The following SLC13A4 variants were observed in gnomAD, a reference collection of about 807,000 sequenced individuals.
SLC13A4 encodes Na(+)/sulfate cotransporter SUT-1.
Under a neutral mutation model 72.7 loss-of-function variants are expected in SLC13A4, and 28 were observed. The ratio of observed to expected loss-of-function variants is 0.39; its 90% CI spans 0.29 to 0.53. SLC13A4 has a LOEUF of 0.53. Ranked by LOEUF, SLC13A4 falls within the 20% of genes least tolerant of loss-of-function variation. The pLI, the probability that SLC13A4 is intolerant of heterozygous loss-of-function variation, is 0.78. For synonymous variants in SLC13A4, 312 were observed against 325.5 expected, an observed-to-expected ratio of 0.96 and a Z score of 0.45; for missense variants, 653 against 788.0, an observed-to-expected ratio of 0.83 and a Z score of 2.05.
chr7:135,720,820 T>A (rs148947294), intron 2 of SLC13A4, among the ~76,000 whole-genome samples: 3 of 152,284 alleles, frequency 2.0e-5, no homozygotes, highest in African/African-American at 7.2e-5. Context: ...AGACAGTGAA[T>A]GGAGAGGGCT....
intron 2 of SLC13A4, among the ~76,000 whole-genome samples, chr7:135,715,535 G>GTA (rs1796415933): frequency 1.3e-5 from 1 of 74,866 alleles, no homozygotes; most frequent in Non-Finnish European, 2.5e-5. Flanking sequence ...GTGTGTGCCA[G>GTA]TGTGTGTGCT....
chr7:135,685,973 G>T (rs1795613359), intron 13 of SLC13A4, among the ~76,000 whole-genome samples: 1 of 152,236 alleles, frequency 6.6e-6, no homozygotes, highest in East Asian at 1.9e-4. Flanking sequence ...ATGACAACTT[G>T]TCAGAGGTTG....
intron 8 of SLC13A4, among the ~76,000 whole-genome samples, chr7:135,698,967 G>T (rs758304067): frequency 1.6e-4 from 24 of 152,012 alleles, no homozygotes; most frequent in Non-Finnish European, 3.1e-4. Context: ...TAGAGACACT[G>T]TCTTGCTCTA....
At chr7:135,707,901 T>A (rs1796204638) in intron 3 of SLC13A4, 2 of 519,046 alleles carry the variant, frequency 3.9e-6, no homozygotes, top group South Asian at 7.2e-5. Context: ...GGTAAATTCT[T>A]TGGATAATGA....
intron 2 of SLC13A4, among the ~76,000 whole-genome samples, chr7:135,720,838 G>C (rs1398543922): frequency 6.6e-6 from 1 of 152,234 alleles, no homozygotes; most frequent in Non-Finnish European, 1.5e-5. Context: ...GCTCACTCTA[G>C]GGAGGGCGCA....
intron 10 of SLC13A4, chr7:135,693,354 G>A (rs923952040): frequency 6.6e-6 from 1 of 152,008 alleles, no homozygotes; most frequent in African/African-American, 2.4e-5. Context: ...AGAAAGGCAA[G>A]GTATACAACA....
chr7:135,694,713 T>C (rs1795863731), intron 9 of SLC13A4, among the ~76,000 whole-genome samples: 1 of 152,170 alleles, frequency 6.6e-6, no homozygotes, highest in African/African-American at 2.4e-5. Flanking sequence ...GAACACACAG[T>C]GTTAGTTTTA....
intron 2 of SLC13A4, 133 bp from the exon 3 acceptor site, chr7:135,708,383 G>T (rs1796218885): frequency 2.4e-6 from 3 of 1,254,018 alleles, no homozygotes; most frequent in African/African-American, 1.5e-5. Flanking sequence ...AGGCAGGGGG[G>T]TGAGGATTAT....
intron 13 of SLC13A4, among the ~76,000 whole-genome samples, chr7:135,688,490 C>T (rs1402070438): frequency 1.3e-5 from 2 of 152,212 alleles, no homozygotes; most frequent in African/African-American, 2.4e-5. Flanking sequence ...CTCCTGGCCT[C>T]AAGTGATCCT....
intron 11 of SLC13A4, chr7:135,691,847 G>T: frequency 3.8e-6 from 2 of 533,058 alleles, no homozygotes; most frequent in Non-Finnish European, 6.7e-6. Context: ...GGCAGGGCCT[G>T]GCTAGAGTAG....
chr7:135,721,506 G>A lies in SLC13A4; in HGVS notation c.117C>T (p.Tyr39=), dbSNP rs367732091. ...AGTACACAGCAGTCACGATCAGCAC[G>A]TAAGCACACGAGGCCTCCTGCAAGG... is the stretch of plus-strand genomic sequence containing the variant. ...LHPSSEASCA[Y]VLIVTAVYWV... is the part of the protein sequence containing the mutation. The change falls in exon 2 of 16, where the codon TAC becomes TAT. Residue 39 remains tyrosine, a synonymous_variant. Transcript: ENST00000682651. 7.4e-6 allele frequency: 12 copies of A among 1,613,912 alleles called. No homozygotes were observed. In the African/African-American group the frequency reaches 1.2e-4, roughly 16 times the overall value.
At chr7:135,712,461 T>TTAA (rs1554478788) in intron 2 of SLC13A4, among the ~76,000 whole-genome samples, 8 of 122,960 alleles carry the variant, frequency 6.5e-5, no homozygotes, top group Admixed American at 2.5e-4. Flanking sequence ...TTTTCTCATC[T>TTAA]AAAAAAAAAA....
At chr7:135,686,468 T>C (rs752875304) in intron 13 of SLC13A4, among the ~76,000 whole-genome samples, 1 of 152,104 alleles carries the variant, frequency 6.6e-6, no homozygotes, top group Non-Finnish European at 1.5e-5. Context: ...CTCAACCTCC[T>C]GGGTTCAAGC....
Position 135,682,864 on chromosome 7 carries a change from G to A in SLC13A4, c.1747-1164C>T, listed in dbSNP as rs562609357. ...GGTGGGGGCACACAGCAGAGGAAGC[G>A]GGAGACAGGAGAGCTGGGGTAGAGC... On this transcript the variant is annotated intron_variant, in intron 15 of 15. Transcript: ENST00000682651. Among the ~76,000 whole-genome samples, 11 of 152,300 alleles carry A rather than the reference G, an allele frequency of 7.2e-5. No homozygotes were observed. In the East Asian group the frequency reaches 9.6e-4, roughly 13 times the overall value.
chr7:135,707,814 T>G, intron 3 of SLC13A4: 1 of 252,648 alleles, frequency 4.0e-6, no homozygotes, highest in Non-Finnish European at 7.5e-6. Context: ...TGGGAAACAA[T>G]TTCTCTTGGT....
In SLC13A4 at chr7:135,691,542, T is replaced by A. The variant is rs773539712; in HGVS notation, c.1321+6A>T. 1 of 1,607,188 alleles carries A rather than the reference T, an allele frequency of 6.2e-7. No individual in the cohort carries two copies. The highest frequency in any genetic ancestry group is 1.3e-5 in the African/African-American group (1 of 74,718). On this transcript the variant is annotated splice_donor_region_variant and intron_variant, in intron 12 of 15. Transcript: ENST00000682651. The stretch of plus-strand genomic sequence containing the variant: ...GAGCTACCCCCAGTTTCTTCCCTTC[T>A]CTCACCATCATTCTTTTTCCCAAAG...
chr7:135,691,824 G>A (rs1260856723), intron 11 of SLC13A4, 179 bp from the exon 12 acceptor site: 6 of 558,006 alleles, frequency 1.1e-5, no homozygotes, highest in Non-Finnish European at 1.9e-5. Flanking sequence ...ATGGGCAATG[G>A]CGAATGTCTG....
At chr7:135,690,040 G>A (rs975278348) in intron 13 of SLC13A4, among the ~76,000 whole-genome samples, 12 of 151,870 alleles carry the variant, frequency 7.9e-5, no homozygotes, top group African/African-American at 2.9e-4. Flanking sequence ...ATTAAGCTGG[G>A]TGTGGTGGCG....
chr7:135,710,505 G>T (rs936185982), intron 2 of SLC13A4, among the ~76,000 whole-genome samples: 1 of 152,098 alleles, frequency 6.6e-6, no homozygotes, highest in African/African-American at 2.4e-5. Flanking sequence ...AATATCATAT[G>T]GGAATGGAGC....
Sources: gnomAD v4.1 joint callset for allele counts (sites outside exome capture counted in the v4.1 genomes callset) on GRCh38, gnomAD v4.1.1 for gene constraint, MANE v1.5 for transcripts, NCBI Gene and HGNC (gene_info 2026-07-23, HGNC 2026-07-21) for gene names.